The following ITGA8 variants were observed in gnomAD, a reference collection of about 807,000 sequenced individuals.
ITGA8 encodes integrin subunit alpha 8.
A neutral mutation model predicts 142.3 loss-of-function variants in ITGA8; 91 were observed. The observed-to-expected ratio is 0.64, with a 90% CI of 0.54 to 0.76. The LOEUF (loss-of-function observed/expected upper bound fraction) is 0.76. Among genes scored for constraint, ITGA8 ranks in the 30% least tolerant of loss-of-function variants. ITGA8 has a pLI of 0.00. For synonymous variants in ITGA8, 505 were observed against 485.2 expected, an observed-to-expected ratio of 1.04 and a Z score of -0.54; for missense variants, 1,406 against 1,327.7, an observed-to-expected ratio of 1.06 and a Z score of -0.92.
intron 28 of ITGA8, among the ~76,000 whole-genome samples, chr10:15,527,599 C>A (rs10906923): frequency 0.51 from 77,160 of 151,964 alleles, 23,509 homozygotes; most frequent in Middle Eastern, 0.7. Context: ...CATCACAGGA[C>A]ATGAGGAATT....
At chr10:15,645,328 C>A (rs1025170209) in intron 12 of ITGA8, among the ~76,000 whole-genome samples, 4 of 151,858 alleles carry the variant, frequency 2.6e-5, no homozygotes, top group Non-Finnish European at 5.9e-5. Flanking sequence ...CCCTTTATGT[C>A]ATTTAGAATG....
chr10:15,536,579 C>G (rs373883069), intron 27 of ITGA8, among the ~76,000 whole-genome samples: 1 of 152,332 alleles, frequency 6.6e-6, no homozygotes. Flanking sequence ...ATATAGCAAT[C>G]TACTCATGTA....
At chr10:15,660,178 C>A (rs1021784790) in intron 9 of ITGA8, among the ~76,000 whole-genome samples, 9 of 152,164 alleles carry the variant, frequency 5.9e-5, no homozygotes, top group African/African-American at 2.2e-4. Flanking sequence ...CCGGATTATA[C>A]CCACAGGTAG....
chr10:15,706,962 C>G (rs1835271610), intron 2 of ITGA8, among the ~76,000 whole-genome samples: 1 of 152,170 alleles, frequency 6.6e-6, no homozygotes, highest in South Asian at 2.1e-4. Context: ...TTCTCAAGCA[C>G]ACCCACATCT....
chr10:15,615,599 G>A (rs1440765184), intron 14 of ITGA8, among the ~76,000 whole-genome samples: 5 of 152,048 alleles, frequency 3.3e-5, no homozygotes, highest in Non-Finnish European at 1.5e-5. Context: ...CTACAACCTC[G>A]ACCTCTCAGG....
At chr10:15,677,228 T>C (rs1322944029) in intron 6 of ITGA8, among the ~76,000 whole-genome samples, 1 of 152,180 alleles carries the variant, frequency 6.6e-6, no homozygotes, top group African/African-American at 2.4e-5. Flanking sequence ...TCTATAGCAC[T>C]ATAAGGTGAA....
At chr10:15,580,175 A>G (rs1329223272) in intron 23 of ITGA8, among the ~76,000 whole-genome samples, 1 of 151,596 alleles carries the variant, frequency 6.6e-6, no homozygotes, top group African/African-American at 2.4e-5. Context: ...TAAACTGCCA[A>G]TATCAAGAAT....
chr10:15,680,216 C>CTTTTTT (rs71374638), intron 4 of ITGA8, among the ~76,000 whole-genome samples: 2 of 54,230 alleles, frequency 3.7e-5, no homozygotes, highest in African/African-American at 8.3e-5. Flanking sequence ...CCAGATGCTC[C>CTTTTTT]TTTTTTTTTT....
chr10:15,602,737 C>CA (rs10667953), intron 20 of ITGA8, among the ~76,000 whole-genome samples: 5,339 of 148,754 alleles, frequency 0.036, 166 homozygotes, highest in African/African-American at 0.079. Flanking sequence ...GACCCTGTCT[C>CA]AAAAAAAAAA....
intron 13 of ITGA8, among the ~76,000 whole-genome samples, chr10:15,627,622 C>T (rs748209317): frequency 6.6e-6 from 1 of 152,198 alleles, no homozygotes; most frequent in Non-Finnish European, 1.5e-5. Context: ...ATTTTGAAAA[C>T]CTCCCATCTG....
In ITGA8 at chr10:15,719,720, C is replaced by A; in HGVS notation, c.52G>T (p.Ala18Ser). 7.2e-7 allele frequency: 1 copy of A among 1,393,676 alleles called. No individual in the cohort carries two copies. The highest frequency in any genetic ancestry group is 9.3e-7 in the Non-Finnish European group (1 of 1,080,936). 86.3% of individuals were successfully genotyped at this position (1,393,676 alleles called of 1,614,324 possible). The change falls in exon 1 of 30, where the codon GCG (alanine) becomes TCG (serine). Residue 18 changes from alanine to serine, a missense_variant. Transcript: ENST00000378076. Reference sequence around the variant, plus strand: ...GCGGCCGCGGCGCAGCAGAGGGGCGCGATCAGCGGCGCCTGGCTTCCCCGG... The same window carrying A: ...GCGGCCGCGGCGCAGCAGAGGGGCGAGATCAGCGGCGCCTGGCTTCCCCGG... ...GPRGSQAPLI[A>S]PLCCAAAALG...
chr10:15,647,449 GTTTTTTTTTTTTTT>G lies in ITGA8; in HGVS notation c.1002-412_1002-399del, dbSNP rs71505078. Among the ~76,000 whole-genome samples, 5 of 91,512 alleles carry G rather than the reference GTTTTTTTTTTTTTT, an allele frequency of 5.5e-5. No homozygotes were observed. In the Admixed American group the frequency reaches 7.3e-4, roughly 13 times the overall value. 60.0% of individuals were successfully genotyped at this position (91,512 alleles called of 152,430 possible). On this transcript the variant is annotated intron_variant, in intron 11 of 29. Transcript: ENST00000378076. ...TATGACTATACATTTAAATTATTCAGTTTTTTTTTTTTTTTTTTTTTTTTGAGACGGAGTCTCGC... is the reference window on the plus strand; with the variant it reads ...TATGACTATACATTTAAATTATTCAGTTTTTTTTTTGAGACGGAGTCTCGC...
chr10:15,580,640 T>C (rs1028541872), intron 23 of ITGA8, among the ~76,000 whole-genome samples: 1 of 152,164 alleles, frequency 6.6e-6, no homozygotes, highest in Middle Eastern at 3.2e-3. Flanking sequence ...AAACCAAAAA[T>C]TAATCAATTC....
At chr10:15,653,345 CT>C (rs922691392) in intron 11 of ITGA8, among the ~76,000 whole-genome samples, 1 of 17,800 alleles carries the variant, frequency 5.6e-5, no homozygotes, top group Non-Finnish European at 2.1e-3. Flanking sequence ...AATTAATAGA[CT>C]TTTTTTTTAG....
chr10:15,581,983 A>C (rs1197731339), intron 23 of ITGA8, among the ~76,000 whole-genome samples: 2 of 152,200 alleles, frequency 1.3e-5, no homozygotes, highest in African/African-American at 2.4e-5. Flanking sequence ...TCATGCCTGT[A>C]ATCCTAGCAC....
rs140609919 is a variant in ITGA8, at chr10:15,691,153, C to A, written c.344-3115G>T. ...AAACCTCTGTAAGACATCACTTGAC[C>A]CGTGTTAGCAGGGCTATTATCAAAA... On this transcript the variant is annotated intron_variant, in intron 2 of 29. Coordinates refer to ENST00000378076, the MANE Select transcript of ITGA8 (RefSeq NM_003638.3). Among the ~76,000 whole-genome samples the A allele has an allele frequency of 6.2e-4, 95 of 152,130 alleles. 1 individual carries two copies. The East Asian group carries it at 0.015, about 23-fold the overall frequency.
chr10:15,602,464 A>C (rs1288340997), intron 20 of ITGA8, among the ~76,000 whole-genome samples: 1 of 152,222 alleles, frequency 6.6e-6, no homozygotes, highest in Non-Finnish European at 1.5e-5. Flanking sequence ...TGGCGGGGCA[A>C]GGATGGCTCG....
At position 15,606,511 on chromosome 10, in the gene ITGA8, C is replaced by T. The variant is rs1833200129; in HGVS notation, c.1765-89G>A. 26 of 1,287,238 alleles carry T rather than the reference C, an allele frequency of 2.0e-5. No homozygotes were observed. In the South Asian group the frequency reaches 3.2e-4, roughly 16 times the overall value. 79.7% of individuals were successfully genotyped at this position (1,287,238 alleles called of 1,614,324 possible). The stretch of plus-strand genomic sequence containing the variant: ...AAAAGTCAGGCAACACTGGAATTTA[C>T]TCAATGAAAGTGAATGATGAAACAA... On this transcript the variant is annotated intron_variant, in intron 17 of 29. Coordinates refer to ENST00000378076, the MANE Select transcript of ITGA8 (RefSeq NM_003638.3).
At chr10:15,698,233 A>G (rs138623012) in intron 2 of ITGA8, among the ~76,000 whole-genome samples, 2,112 of 152,322 alleles carry the variant, frequency 0.014, 38 homozygotes, top group African/African-American at 0.043. Context: ...TGAGAATGCC[A>G]TTATTTCATT....
Sources: gnomAD v4.1 joint callset for allele counts (sites outside exome capture counted in the v4.1 genomes callset) on GRCh38, gnomAD v4.1.1 for gene constraint, MANE v1.5 for transcripts, NCBI Gene and HGNC (gene_info 2026-07-23, HGNC 2026-07-21) for gene names.